The following CD300LD variants were observed in gnomAD, a reference collection of about 807,000 sequenced individuals.
The protein encoded by CD300LD is CMRF35-like molecule 5.
In CD300LD, 18 loss-of-function variants were observed where a neutral mutation model predicts 20.3. The observed-to-expected ratio is 0.89, with a 90% confidence interval of 0.61 to 1.32. The LOEUF (loss-of-function observed/expected upper bound fraction) is 1.32. Ranked by LOEUF, CD300LD falls within the 40% of genes most tolerant of loss-of-function variation. The pLI is 0.00. For missense variants in CD300LD, 195 were observed against 226.6 expected, an observed-to-expected ratio of 0.86 and a Z score of 0.90; for synonymous variants, 104 against 90.1, an observed-to-expected ratio of 1.15 and a Z score of -0.87.
At chr17:74,579,114 C>T (rs2029977375), downstream of CD300LD, among the ~76,000 whole-genome samples, 1 of 152,222 alleles carries the variant, frequency 6.6e-6, no homozygotes, top group African/African-American at 2.4e-5. Context: ...TTCAATCGTA[C>T]TCATCCAGGA....
intron 2 of CD300LD, among the ~76,000 whole-genome samples, chr17:74,587,210 A>C (rs1029520122): frequency 2.0e-5 from 3 of 152,184 alleles, no homozygotes; most frequent in African/African-American, 7.2e-5. Context: ...CTGAGCCTGA[A>C]ATTTTCTTCG....
chr17:74,592,190 G>C lies in CD300LD; in HGVS notation c.13C>G (p.Pro5Ala). 6.2e-7 allele frequency: 1 copy of C among 1,614,136 alleles called. No homozygotes were observed. The highest frequency in any genetic ancestry group is 2.2e-5 in the East Asian group (1 of 44,872). Residue 5 changes from proline (P) to alanine (A), a missense_variant, in exon 1 of 4, where the codon CCA becomes GCA. Physicochemically the swap from Pro to Ala is conservative, Grantham distance 27 (BLOSUM62 -1). Coordinates refer to ENST00000375352, the MANE Select transcript of CD300LD (RefSeq NM_001115152.2). MWLS[P>A]SLLLLILPGY... ...GGGAGGATGAGAAGCAGCAGAGATG[G>C]GGACAGCCACATGGTCCTGTCTCCT... is the stretch of plus-strand genomic sequence containing the variant.
intron 3 of CD300LD, among the ~76,000 whole-genome samples, chr17:74,581,612 T>C (rs538287384): frequency 1.3e-5 from 2 of 152,350 alleles, no homozygotes; most frequent in African/African-American, 2.4e-5. Flanking sequence ...TACTCTGGTG[T>C]CTTGGGAGAG....
chr17:74,582,739 C>T (rs980390182), intron 2 of CD300LD, among the ~76,000 whole-genome samples: 1 of 151,558 alleles, frequency 6.6e-6, no homozygotes, highest in South Asian at 2.1e-4. Flanking sequence ...CCAGGCCCAG[C>T]GCCCTCCACC....
rs2029992982 is a variant in CD300LD at position 74,579,801 on chromosome 17, C to T, written c.*201G>A. On this transcript the variant is annotated 3_prime_UTR_variant, in exon 4 of 4. Transcript: ENST00000375352. ...TCTGGAGGTTGAGGCAGGAGGATCG[C>T]TTGAGCCTGGGAGGGGAAAGTTGCA... The T allele has an allele frequency of 2.8e-6, 1 of 359,272 alleles. No homozygotes were observed. The highest frequency in any genetic ancestry group is 2.1e-5 in the African/African-American group (1 of 47,844). 22.3% of individuals were successfully genotyped at this position (359,272 alleles called of 1,614,324 possible).
chr17:74,580,932 A>G (rs1346789405), intron 3 of CD300LD, among the ~76,000 whole-genome samples: 2 of 151,444 alleles, frequency 1.3e-5, no homozygotes, highest in African/African-American at 2.4e-5. Flanking sequence ...AGAAAAGAAA[A>G]TTCAAAATTA....
In CD300LD at chr17:74,588,581, G is replaced by T; in HGVS notation, c.309C>A (p.Asp103Glu). The change falls in exon 2 of 4, where the codon GAC becomes GAA. Residue 103 changes from aspartate (D) to glutamate (E), a missense_variant. Transcript: ENST00000375352. Reference protein sequence around the residue: ...TMENLKRDDADSYWCGTERPG... With the variant: ...TMENLKRDDAESYWCGTERPG... ...GTCTCTCAGTCCCACACCAATAACT[G>T]TCAGCATCATCTCTTTTGAGATTCT... 6.2e-7 allele frequency: 1 copy of T among 1,614,106 alleles called. No individual in the cohort carries two copies. The highest frequency in any genetic ancestry group is 8.5e-7 in the Non-Finnish European group (1 of 1,179,986).
At chr17:74,592,103 G>T in intron 1 of CD300LD, 60 bp downstream of exon 1, 2 of 1,614,018 alleles carry the variant, frequency 1.2e-6, no homozygotes, top group African/African-American at 1.3e-5. Context: ...AGAACAGAGC[G>T]TCTCTGTCTC....
intron 3 of CD300LD, 73 bp downstream of exon 3, chr17:74,582,145 C>T: frequency 8.2e-7 from 1 of 1,221,316 alleles, no homozygotes; most frequent in Non-Finnish European, 1.2e-6. Context: ...ATTGTTGTAT[C>T]TGGCAACCCC....
rs1407176447 is a variant in CD300LD, at chr17:74,588,623, C to A, written c.267G>T (p.Val89=). The A allele has an allele frequency of 6.2e-7, 1 of 1,614,092 alleles. No homozygotes were observed. Among genetic ancestry groups the A allele is most frequent in the East Asian group, 2.2e-5 (1 of 44,890 alleles). The change falls in exon 2 of 4, where the codon GTG becomes GTT. Residue 89 remains valine, a synonymous_variant. Coordinates refer to ENST00000375352, the MANE Select transcript of CD300LD (RefSeq NM_001115152.2). ...TGAGATTCTCCATGGTCACGGTGAA[C>A]ACGTGGTTTTTCTGATTGTCCCTGA... ...VSIRDNQKNH[V]FTVTMENLKR... is the part of the protein sequence containing the mutation.
At chr17:74,584,761 T>C (rs1262691902) in intron 2 of CD300LD, 1 of 153,160 alleles carries the variant, frequency 6.5e-6, no homozygotes, top group Non-Finnish European at 1.5e-5. Context: ...ATTTCTGCAT[T>C]CGTCCCCCCT....
intron 3 of CD300LD, among the ~76,000 whole-genome samples, chr17:74,580,791 C>T (rs746107864): frequency 6.6e-5 from 10 of 151,116 alleles, no homozygotes; most frequent in South Asian, 2.1e-4. Flanking sequence ...TCAGGCCAGG[C>T]GTGGTGGTTC....
chr17:74,588,009 A>G (rs2030207011), intron 2 of CD300LD, among the ~76,000 whole-genome samples: 1 of 152,206 alleles, frequency 6.6e-6, no homozygotes, highest in Admixed American at 6.5e-5. Flanking sequence ...AATATCTGGA[A>G]TTGAGTCATT....
intron 2 of CD300LD, among the ~76,000 whole-genome samples, chr17:74,586,413 C>G (rs190679929): frequency 6.6e-6 from 1 of 152,186 alleles, no homozygotes; most frequent in Non-Finnish European, 1.5e-5. Flanking sequence ...AGCCCCCCAC[C>G]CCAGAAAAAA....
Position 74,588,833 on chromosome 17 carries a change from A to G in CD300LD, c.57T>C (p.Ala19=). The G allele has an allele frequency of 6.2e-7, 1 of 1,608,228 alleles. No homozygotes were observed. Among genetic ancestry groups the G allele is most frequent in the Non-Finnish European group, 8.5e-7 (1 of 1,175,076 alleles). ...TCACTGTTGTTGGACCAGTGATTTTAGCGGCAATGGAGTAACCTGGAAAAC... is the reference window on the plus strand; with the variant it reads ...TCACTGTTGTTGGACCAGTGATTTTGGCGGCAATGGAGTAACCTGGAAAAC... ...LLILPGYSIA[A]KITGPTTVNG... is the part of the protein sequence containing the mutation. Residue 19 remains alanine, a synonymous_variant, in exon 2 of 4, where the codon GCT becomes GCC. Coordinates refer to ENST00000375352, the MANE Select transcript of CD300LD (RefSeq NM_001115152.2).
In CD300LD at chr17:74,579,494, C is replaced by T. The variant is rs1266138724; in HGVS notation, c.*508G>A. ...GGACTGTGCAGAGAAGGGAATAGCC[C>T]CAGGTGGCACGGCTGCAGGAGATAG... On this transcript the variant is annotated 3_prime_UTR_variant, in exon 4 of 4. Coordinates refer to ENST00000375352, the MANE Select transcript of CD300LD (RefSeq NM_001115152.2). 1 of 155,554 alleles carries T rather than the reference C, an allele frequency of 6.4e-6. No homozygotes were observed. The highest frequency in any genetic ancestry group is 1.4e-5 in the Non-Finnish European group (1 of 70,336). The allele number at this position is 155,554 out of a possible 1,614,324, so 9.6% of individuals were successfully genotyped here. A position where few individuals can be genotyped will look rare whatever the true frequency, so the allele number is the denominator to read the frequency against.
chr17:74,580,369 C>G (rs917447480), intron 3 of CD300LD, among the ~76,000 whole-genome samples: 1 of 152,226 alleles, frequency 6.6e-6, no homozygotes, highest in Non-Finnish European at 1.5e-5. Context: ...TTTGGCTGGT[C>G]TCCCATAACT....
chr17:74,591,248 T>C (rs1053943726), intron 1 of CD300LD, among the ~76,000 whole-genome samples: 1 of 52,916 alleles, frequency 1.9e-5, no homozygotes, highest in African/African-American at 1.2e-4. Context: ...TCCTCATCTC[T>C]ACAAAAAAAA....
intron 2 of CD300LD, among the ~76,000 whole-genome samples, chr17:74,582,921 T>C (rs973540934): frequency 2.0e-5 from 3 of 152,220 alleles, no homozygotes; most frequent in Admixed American, 2.0e-4. Context: ...AGTTTTGATA[T>C]TCAAAGTTTG....
Sources: allele counts gnomAD v4.1 joint callset (sites outside exome capture counted in the v4.1 genomes callset), GRCh38; gene constraint gnomAD v4.1.1; transcripts MANE v1.5; gene names NCBI Gene and HGNC (gene_info 2026-07-23, HGNC 2026-07-21).